SBF2: variants seen among roughly 807,000 people sequenced by gnomAD.
The protein encoded by SBF2 is SET binding factor 2.
In SBF2, 112 loss-of-function variants were observed where a neutral mutation model predicts 225.2. That is an observed-to-expected ratio of 0.50 (90% CI 0.43 to 0.58). SBF2 has a LOEUF of 0.58. Ranked by LOEUF, SBF2 falls within the 20% of genes least tolerant of loss-of-function variation. The pLI is 0.00. For synonymous variants in SBF2, 763 were observed against 773.3 expected, an observed-to-expected ratio of 0.99 and a Z score of 0.22; for missense variants, 1,996 against 2,206.2, an observed-to-expected ratio of 0.90 and a Z score of 1.91.
chr11:10,108,515 C>CTTTTTTTTTTT (rs34189666), intron 2 of SBF2, among the ~76,000 whole-genome samples: 2 of 83,462 alleles, frequency 2.4e-5, no homozygotes, highest in Non-Finnish European at 4.4e-5. Context: ...TAATAGTTAA[C>CTTTTTTTTTTT]TTTTTTTTTT....
intron 2 of SBF2, among the ~76,000 whole-genome samples, chr11:10,150,223 T>C (rs548681864): frequency 2.6e-5 from 4 of 152,304 alleles, no homozygotes; most frequent in South Asian, 4.1e-4. Context: ...ATGAAGTCCA[T>C]AGGTTCATTT....
upstream of SBF2, among the ~76,000 whole-genome samples, chr11:10,296,922 T>C (rs960016328): frequency 2.0e-5 from 3 of 152,198 alleles, no homozygotes; most frequent in Non-Finnish European, 2.9e-5. Context: ...TGATATCTCA[T>C]TGTGGTCCTG....
chr11:9,961,384 A>G (rs528096913), intron 16 of SBF2: 67 of 152,390 alleles, frequency 4.4e-4, no homozygotes, highest in African/African-American at 1.5e-3. Context: ...CAGAATGCCA[A>G]TGTCATAGAC....
At chr11:10,136,425 T>C (rs1954358095) in intron 2 of SBF2, among the ~76,000 whole-genome samples, 1 of 152,174 alleles carries the variant, frequency 6.6e-6, no homozygotes, top group Non-Finnish European at 1.5e-5. Flanking sequence ...TGGGGACTTT[T>C]AGCCCCATCT....
chr11:10,204,027 T>C (rs61892575), intron 1 of SBF2, among the ~76,000 whole-genome samples: 16,848 of 151,828 alleles, frequency 0.11, 1,139 homozygotes, highest in Non-Finnish European at 0.11. Flanking sequence ...ACACTGATCA[T>C]AGAAGCTCAT....
chr11:9,889,283 T>C (rs548655737), intron 17 of SBF2, among the ~76,000 whole-genome samples: 1 of 152,328 alleles, frequency 6.6e-6, no homozygotes, highest in East Asian at 1.9e-4. Context: ...TTCATACAAA[T>C]GACACAGATT....
intron 16 of SBF2, among the ~76,000 whole-genome samples, chr11:9,950,567 T>C (rs1865800709): frequency 1.3e-5 from 2 of 152,214 alleles, no homozygotes; most frequent in Admixed American, 6.5e-5. Context: ...TATGAACATT[T>C]GCACTTTAAA....
At chr11:9,925,899 T>C (rs1336121281) in intron 16 of SBF2, among the ~76,000 whole-genome samples, 1 of 152,176 alleles carries the variant, frequency 6.6e-6, no homozygotes, top group Non-Finnish European at 1.5e-5. Context: ...ACTGAACTTG[T>C]TATAGGGCAA....
intron 20 of SBF2, 134 bp downstream of exon 20, chr11:9,853,406 A>G: frequency 1.3e-6 from 1 of 790,474 alleles, no homozygotes; most frequent in South Asian, 1.6e-5. Context: ...CAATTTAAAA[A>G]CATTTTAAAA....
At chr11:9,807,043 A>G (rs1285142814) in intron 32 of SBF2, among the ~76,000 whole-genome samples, 1 of 152,248 alleles carries the variant, frequency 6.6e-6, no homozygotes, top group Non-Finnish European at 1.5e-5. Context: ...TCCTGAAAAC[A>G]TAGTTCTGCC....
chr11:9,975,639 A>T (rs561946658), intron 13 of SBF2, among the ~76,000 whole-genome samples: 1 of 152,204 alleles, frequency 6.6e-6, no homozygotes, highest in Non-Finnish European at 1.5e-5. Flanking sequence ...AAATTAGATC[A>T]TGATAAACCT....
rs1463030756 is a variant in SBF2 at position 9,795,811 on chromosome 11, A to G, written c.4570+20T>C. 2.5e-6 allele frequency: 4 copies of G among 1,612,248 alleles called. No homozygotes were observed. Among genetic ancestry groups the G allele is most frequent in the Non-Finnish European group, 3.4e-6 (4 of 1,179,190 alleles). ...GCAGAACTAACAAAAAAGATGAAAC[A>G]AGGGCATACAGACACATACCGTGCT... On this transcript the variant is annotated intron_variant, in intron 33 of 39. Transcript: ENST00000256190.
chr11:10,208,606 A>G (rs985960016), intron 1 of SBF2, among the ~76,000 whole-genome samples: 2 of 152,142 alleles, frequency 1.3e-5, no homozygotes, highest in African/African-American at 4.8e-5. Context: ...TGGAGAAAAA[A>G]AAAGAAGCTG....
intron 6 of SBF2, among the ~76,000 whole-genome samples, chr11:10,005,250 G>A (rs189091980): frequency 1.3e-4 from 20 of 152,246 alleles, no homozygotes; most frequent in Admixed American, 4.6e-4. Context: ...GACCCTCTAG[G>A]AACATTTGGA....
chr11:10,135,357 G>T (rs946591649), intron 2 of SBF2, among the ~76,000 whole-genome samples: 1 of 152,176 alleles, frequency 6.6e-6, no homozygotes, highest in Non-Finnish European at 1.5e-5. Context: ...GACCTTTTCC[G>T]CATGGCCTTG....
At chr11:10,025,651 G>A (rs1353551732) in intron 6 of SBF2, among the ~76,000 whole-genome samples, 1 of 152,146 alleles carries the variant, frequency 6.6e-6, no homozygotes, top group African/African-American at 2.4e-5. Context: ...CCAGGCTGGA[G>A]TGAAGTGGCA....
At chr11:10,173,812 C>A (rs981396497) in intron 2 of SBF2, among the ~76,000 whole-genome samples, 2 of 149,886 alleles carry the variant, frequency 1.3e-5, no homozygotes, top group South Asian at 2.1e-4. Context: ...AGCTGGAGAT[C>A]TGAGAACAGG....
rs61876986 is a variant in SBF2 at position 9,967,967 on chromosome 11, C to A, written c.1600+374G>T. On this transcript the variant is annotated intron_variant, in intron 14 of 39. Coordinates refer to ENST00000256190, the MANE Select transcript of SBF2 (RefSeq NM_030962.4). The stretch of plus-strand genomic sequence containing the variant: ...TGTCTGTCTCTCTCTCTCTCTCTCT[C>A]TCTCTATATATATATATATATATAA... Among the ~76,000 whole-genome samples the A allele has an allele frequency of 4.4e-3, 403 of 90,620 alleles. 2 individuals carry two copies. Among genetic ancestry groups the A allele is most frequent in the African/African-American group, 0.013 (368 of 28,216 alleles). 59.5% of individuals were successfully genotyped at this position (90,620 alleles called of 152,430 possible).
chr11:10,256,502 G>A (rs1201748805), intron 1 of SBF2, among the ~76,000 whole-genome samples: 1 of 152,176 alleles, frequency 6.6e-6, no homozygotes, highest in African/African-American at 2.4e-5. Flanking sequence ...AGGTAATTGT[G>A]GCAAAGAAGA....
Sources: gnomAD v4.1 joint callset for allele counts (sites outside exome capture counted in the v4.1 genomes callset) on GRCh38, gnomAD v4.1.1 for gene constraint, MANE v1.5 for transcripts, NCBI Gene and HGNC (gene_info 2026-07-23, HGNC 2026-07-21) for gene names.